The following GANC variants were observed in gnomAD, a reference collection of about 807,000 sequenced individuals.
GANC encodes the protein glucosidase alpha, neutral C.
In GANC, 117 loss-of-function variants were observed where a neutral mutation model predicts 124.2. That is an observed-to-expected ratio of 0.94 (90% confidence interval 0.81 to 1.10). The LOEUF is 1.10. Among genes scored for constraint, GANC ranks in the 50% least tolerant of loss-of-function variants. The pLI, the probability that GANC is intolerant of heterozygous loss-of-function variation, is 0.00. For missense variants in GANC, 1,140 were observed against 1,095.0 expected (o/e 1.04, Z -0.58); for synonymous variants, 377 against 376.8 (o/e 1.00, Z -0.01).
intron 22 of GANC, among the ~76,000 whole-genome samples, 160 bp downstream of exon 22, chr15:42,349,655 T>C (rs2052405191): frequency 6.6e-6 from 1 of 152,132 alleles, no homozygotes; most frequent in South Asian, 2.1e-4. Context: ...TTCTTTTCTT[T>C]TTTTTTGAGA....
Position 42,353,047 on chromosome 15 carries a change from T to C in GANC, c.*908T>C. 1.1e-6 allele frequency: 1 copy of C among 892,836 alleles called. No individual in the cohort carries two copies. The highest frequency in any genetic ancestry group is 1.3e-6 in the Non-Finnish European group (1 of 745,326). The allele number at this position is 892,836 out of a possible 1,614,324, so 55.3% of individuals were successfully genotyped here. On this transcript the variant is annotated 3_prime_UTR_variant, in exon 24 of 24. Coordinates refer to ENST00000318010, the MANE Select transcript of GANC (RefSeq NM_198141.3). ...AAAAAAAACCATGATGAACAAAATA[T>C]TAAAATTTAAAATAAAGACAGGATT...
Position 42,353,233 on chromosome 15 carries a change from G to C in GANC, c.*1094G>C, listed in dbSNP as rs1376012159. 1 of 985,756 alleles carries C rather than the reference G, an allele frequency of 1.0e-6. No individual in the cohort carries two copies. Among genetic ancestry groups the C allele is most frequent in the Non-Finnish European group, 1.2e-6 (1 of 829,988 alleles). 61.1% of individuals were successfully genotyped at this position (985,756 alleles called of 1,614,324 possible). A position where few individuals can be genotyped will look rare whatever the true frequency, so the allele number is the denominator to read the frequency against. On this transcript the variant is annotated 3_prime_UTR_variant, in exon 24 of 24. Transcript: ENST00000318010. ...CTGTTTTAGCAGCCTCGACTCCTCA[G>C]CACTCCTCAGCACACACCTCTTCTT...
chr15:42,335,381 T>C (rs530760271), intron 15 of GANC, among the ~76,000 whole-genome samples: 2 of 152,306 alleles, frequency 1.3e-5, no homozygotes, highest in Admixed American at 6.5e-5. Flanking sequence ...ATCATCTCAA[T>C]AGATGCAGAA....
At chr15:42,281,924 T>C (rs1223775690) in intron 3 of GANC, among the ~76,000 whole-genome samples, 2 of 151,828 alleles carry the variant, frequency 1.3e-5, no homozygotes, top group Non-Finnish European at 2.9e-5. Flanking sequence ...CAGTGGCTCA[T>C]GCCTATAATC....
At position 42,292,376 on chromosome 15, in the gene GANC, TG is replaced by T. The variant is rs1189016868; in HGVS notation, c.330-358del. Among the ~76,000 whole-genome samples, 8 of 18,514 alleles carry T rather than the reference TG, an allele frequency of 4.3e-4. No individual in the cohort carries two copies. The Non-Finnish European group carries it at 6.0e-3, about 14-fold the overall frequency. The allele number at this position is 18,514 out of a possible 152,430, so 12.1% of individuals were successfully genotyped here. On this transcript the variant is annotated intron_variant, in intron 4 of 23. Transcript: ENST00000318010. ...ACGATGATAGCTAACATTTACTGTGTGTTTTTTTTTTTAATGTGTCTGGCAC... is the reference window on the plus strand; with the variant it reads ...ACGATGATAGCTAACATTTACTGTGTTTTTTTTTTTTAATGTGTCTGGCAC...
chr15:42,283,842 CCAGA>C (rs777996774), intron 3 of GANC: 7 of 702,582 alleles, frequency 1.0e-5, no homozygotes, highest in East Asian at 2.7e-5. Context: ...TGGGAACTGG[CCAGA>C]CAATCAGAAG....
intron 13 of GANC, 75 bp downstream of exon 13, chr15:42,327,517 C>G: frequency 8.4e-7 from 1 of 1,189,016 alleles, no homozygotes; most frequent in Admixed American, 1.9e-5. Flanking sequence ...TTGAATAAAA[C>G]TATTCTTTTT....
Position 42,340,715 on chromosome 15 carries a change from G to T in GANC, c.2113G>T (p.Glu705Ter). Residue 705 changes from glutamate to a stop codon, truncating the protein, a stop_gained, in exon 18 of 24, where the codon GAA (glutamate) becomes TAA (stop). Coordinates refer to ENST00000318010, the MANE Select transcript of GANC (RefSeq NM_198141.3). LOFTEE classifies it high-confidence loss of function. ...GCCTCTGTGGGTAGAGTTCCCTGAT[G>T]AACTAAAGACTTTTGATATGGAAGA... ...MRPLWVEFPD[E>*]LKTFDMEDEY... The T allele has an allele frequency of 6.2e-7, 1 of 1,603,348 alleles. No individual in the cohort carries two copies. The highest frequency in any genetic ancestry group is 1.1e-5 in the South Asian group (1 of 89,962).
intron 15 of GANC, 50 bp from the exon 16 acceptor site, chr15:42,338,339 A>G (rs1437063178): frequency 7.8e-7 from 1 of 1,284,770 alleles, no homozygotes; most frequent in African/African-American, 1.5e-5. Flanking sequence ...TAGGAAATTG[A>G]ACGCATGGGT....
chr15:42,316,694 A>G (rs1395007332), intron 10 of GANC, among the ~76,000 whole-genome samples: 2 of 152,180 alleles, frequency 1.3e-5, no homozygotes, highest in East Asian at 1.9e-4. Context: ...GGCCTGGATA[A>G]TATCCAGCCT....
chr15:42,311,059 TA>T (rs2052045814), intron 10 of GANC, among the ~76,000 whole-genome samples: 1 of 152,254 alleles, frequency 6.6e-6, no homozygotes, highest in South Asian at 2.1e-4. Context: ...TAGTTCCTAA[TA>T]CTTGCCATCT....
intron 5 of GANC, among the ~76,000 whole-genome samples, chr15:42,293,892 T>C (rs939834540): frequency 2.0e-5 from 3 of 150,944 alleles, no homozygotes; most frequent in Non-Finnish European, 2.9e-5. Context: ...TACAAAAAAA[T>C]ACAAAAAAAT....
chr15:42,286,226 C>A (rs1244608002), intron 3 of GANC, among the ~76,000 whole-genome samples: 1 of 152,134 alleles, frequency 6.6e-6, no homozygotes, highest in Non-Finnish European at 1.5e-5. Flanking sequence ...AACTTCTAAC[C>A]CTACAGTCAT....
chr15:42,330,522 A>G (rs2052233962), intron 14 of GANC, 54 bp from the exon 15 acceptor site: 6 of 1,232,938 alleles, frequency 4.9e-6, no homozygotes, highest in Non-Finnish European at 7.2e-6. Context: ...CTTATTGGGG[A>G]TGTCTGTACA....
rs1002409205 is a variant in GANC, at chr15:42,273,532, A to T, written c.-950A>T. 2.9e-5 allele frequency: 41 copies of T among 1,435,320 alleles called. No homozygotes were observed. The highest frequency in any genetic ancestry group is 3.2e-5 in the Non-Finnish European group (35 of 1,078,634). The allele number at this position is 1,435,320 out of a possible 1,614,324, so 88.9% of individuals were successfully genotyped here. A position where few individuals can be genotyped will look rare whatever the true frequency, so the allele number is the denominator to read the frequency against. ...GCGGAGCTTGTTTGCTGTGCGGCGT[A>T]GCGGCCCCTCTCTCAGACAGTCGTC... On this transcript the variant is annotated 5_prime_UTR_variant, in exon 1 of 24. Coordinates refer to ENST00000318010, the MANE Select transcript of GANC (RefSeq NM_198141.3).
At chr15:42,320,757 AT>A (rs2052149550) in intron 10 of GANC, among the ~76,000 whole-genome samples, 2 of 151,526 alleles carry the variant, frequency 1.3e-5, no homozygotes, top group African/African-American at 4.8e-5. Context: ...CTCCATTCAT[AT>A]TTCATGGTGA....
chr15:42,351,087 G>T lies in GANC; in HGVS notation c.2532-242G>T, dbSNP rs554945158. ...GGATTTTGCCATGTTGCCCAGGCTGGTGTTGAACTCCTGGCCTCAAGTGAT... is the reference window on the plus strand; with the variant it reads ...GGATTTTGCCATGTTGCCCAGGCTGTTGTTGAACTCCTGGCCTCAAGTGAT... On this transcript the variant is annotated intron_variant, in intron 22 of 23. Coordinates refer to ENST00000318010, the MANE Select transcript of GANC (RefSeq NM_198141.3). 1.3e-4 allele frequency among the ~76,000 whole-genome samples: 20 copies of T among 151,428 alleles called. No homozygotes were observed. In the South Asian group the frequency reaches 3.8e-3, roughly 28 times the overall value.
intron 6 of GANC, among the ~76,000 whole-genome samples, chr15:42,300,076 G>A (rs768660017): frequency 8.5e-5 from 13 of 152,100 alleles, no homozygotes; most frequent in South Asian, 2.1e-4. Flanking sequence ...TGATGAAAGC[G>A]CCAAAAGCAA....
At chr15:42,325,118 A>G (rs73400976) in intron 11 of GANC, among the ~76,000 whole-genome samples, 3,439 of 151,804 alleles carry the variant, frequency 0.023, 125 homozygotes, top group African/African-American at 0.077. Flanking sequence ...ACAAAAAAAA[A>G]AAAAATTAGT....
Sources: gnomAD v4.1 joint callset for allele counts (sites outside exome capture counted in the v4.1 genomes callset) on GRCh38, gnomAD v4.1.1 for gene constraint, MANE v1.5 for transcripts, NCBI Gene and HGNC (gene_info 2026-07-23, HGNC 2026-07-21) for gene names.